The following AFAP1L1 variants were observed in gnomAD, a reference collection of about 807,000 sequenced individuals.
The protein encoded by AFAP1L1 is actin filament-associated protein 1-like 1.
A neutral mutation model predicts 99.8 loss-of-function variants in AFAP1L1; 77 were observed. That is an observed-to-expected ratio of 0.77 (90% CI 0.64 to 0.93). The LOEUF (loss-of-function observed/expected upper bound fraction) is 0.93. Ranked by LOEUF, AFAP1L1 falls within the 40% of genes least tolerant of loss-of-function variation. The probability of loss-of-function intolerance (pLI) is 0.00; values close to 1 mark genes in which losing one functional copy is unlikely to be tolerated. For synonymous variants in AFAP1L1, 373 were observed against 395.3 expected, an observed-to-expected ratio of 0.94 and a Z score of 0.67; for missense variants, 893 against 996.8, an observed-to-expected ratio of 0.90 and a Z score of 1.40.
At chr5:149,292,641 T>C (rs967298100) in intron 1 of AFAP1L1, among the ~76,000 whole-genome samples, 5 of 152,238 alleles carry the variant, frequency 3.3e-5, no homozygotes, top group African/African-American at 1.2e-4. Flanking sequence ...TGAAAACTTA[T>C]AAACGATGAT....
intron 7 of AFAP1L1, among the ~76,000 whole-genome samples, chr5:149,308,430 A>C (rs535347057): frequency 6.6e-6 from 1 of 152,322 alleles, no homozygotes; most frequent in South Asian, 2.1e-4. Context: ...CGAATCCCCT[A>C]CAAAACTCAA....
At chr5:149,323,238 G>A (rs1757004786) in intron 15 of AFAP1L1, among the ~76,000 whole-genome samples, 1 of 152,202 alleles carries the variant, frequency 6.6e-6, no homozygotes, top group Non-Finnish European at 1.5e-5. Flanking sequence ...GGTAGTAAGT[G>A]GAGAACTGAA....
chr5:149,319,281 A>G (rs532266569), intron 12 of AFAP1L1, among the ~76,000 whole-genome samples: 1 of 152,292 alleles, frequency 6.6e-6, no homozygotes, highest in African/African-American at 2.4e-5. Context: ...TGTTGGTTTT[A>G]TATTCTAATG....
chr5:149,279,939 G>A (rs1755462811), intron 1 of AFAP1L1, among the ~76,000 whole-genome samples: 1 of 152,154 alleles, frequency 6.6e-6, no homozygotes, highest in Non-Finnish European at 1.5e-5. Context: ...GTTCACTGTG[G>A]GCTTGAATTA....
chr5:149,292,135 A>C (rs1050818720), intron 1 of AFAP1L1, among the ~76,000 whole-genome samples: 8 of 152,264 alleles, frequency 5.3e-5, no homozygotes, highest in African/African-American at 1.9e-4. Context: ...CACAGGAATG[A>C]GATCATGAGT....
intron 9 of AFAP1L1, among the ~76,000 whole-genome samples, chr5:149,313,933 C>T (rs1161530841): frequency 1.3e-5 from 2 of 152,140 alleles, no homozygotes; most frequent in African/African-American, 4.8e-5. Context: ...TGAAAACGGC[C>T]AGTATGGCTA....
At chr5:149,313,580 A>C (rs1436716219) in intron 9 of AFAP1L1, among the ~76,000 whole-genome samples, 4 of 151,470 alleles carry the variant, frequency 2.6e-5, no homozygotes, top group African/African-American at 9.8e-5. Context: ...CAGGATCCTG[A>C]GCACCTGCTT....
chr5:149,273,478 A>C (rs537736290), intron 1 of AFAP1L1, among the ~76,000 whole-genome samples: 1 of 152,012 alleles, frequency 6.6e-6, no homozygotes, highest in Non-Finnish European at 1.5e-5. Flanking sequence ...CCTGGCTTCC[A>C]GTTCAACCTC....
Position 149,311,986 on chromosome 5 carries a change from A to G in AFAP1L1, c.928-126A>G, listed in dbSNP as rs554961993. 25 of 799,000 alleles carry G rather than the reference A, an allele frequency of 3.1e-5. No individual in the cohort carries two copies. The African/African-American group carries it at 3.6e-4, about 12-fold the overall frequency. 49.5% of individuals were successfully genotyped at this position (799,000 alleles called of 1,614,324 possible). The stretch of plus-strand genomic sequence containing the variant: ...CCACACATATGCAGGTAGCTGTGTC[A>G]GTCCATCTGTTCCCCACAGTGGCCC... On this transcript the variant is annotated intron_variant, in intron 8 of 18. Transcript: ENST00000296721.
chr5:149,297,907 G>A (rs960362417), intron 1 of AFAP1L1, among the ~76,000 whole-genome samples: 2 of 152,232 alleles, frequency 1.3e-5, no homozygotes, highest in African/African-American at 2.4e-5. Context: ...CTGACTTGTG[G>A]TGAGCATTCA....
chr5:149,316,065 T>C (rs1279810148), intron 10 of AFAP1L1, 86 bp from the exon 11 acceptor site: 1 of 1,584,396 alleles, frequency 6.3e-7, no homozygotes, highest in East Asian at 2.2e-5. Context: ...GCCCATCCTG[T>C]ATGCAGGCTG....
rs1249176366 is a variant in AFAP1L1, at chr5:149,329,622, A to G, written c.1811-44A>G. ...CTGACACCACACAAGTACCTTTGCC[A>G]GAGGTCAGAACTGAGGGCCTTTCCC... is the stretch of plus-strand genomic sequence containing the variant. On this transcript the variant is annotated intron_variant, in intron 15 of 18. Transcript: ENST00000296721. The G allele has an allele frequency of 4.5e-6, 7 of 1,552,404 alleles. No individual in the cohort carries two copies. The African/African-American group carries it at 9.7e-5, about 21-fold the overall frequency.
intron 5 of AFAP1L1, among the ~76,000 whole-genome samples, chr5:149,303,778 A>G (rs1756308368): frequency 6.6e-6 from 1 of 152,232 alleles, no homozygotes; most frequent in African/African-American, 2.4e-5. Context: ...TAATAGAAAT[A>G]TGGGTGAAGG....
At chr5:149,331,250 A>C (rs1757247713) in intron 16 of AFAP1L1, among the ~76,000 whole-genome samples, 1 of 152,200 alleles carries the variant, frequency 6.6e-6, no homozygotes, top group Non-Finnish European at 1.5e-5. Flanking sequence ...CAGCCTGAGC[A>C]ACATAATGAG....
chr5:149,284,837 G>T (rs577466936), intron 1 of AFAP1L1, among the ~76,000 whole-genome samples: 1 of 152,344 alleles, frequency 6.6e-6, no homozygotes, highest in Admixed American at 6.5e-5. Flanking sequence ...GAGGTGGCCA[G>T]TTAGGAGGTA....
At chr5:149,326,798 G>A (rs1048657261) in intron 15 of AFAP1L1, among the ~76,000 whole-genome samples, 2 of 152,118 alleles carry the variant, frequency 1.3e-5, no homozygotes, top group African/African-American at 4.8e-5. Flanking sequence ...AGGAGATTAG[G>A]AAAAGAGTCA....
At chr5:149,314,518 C>A (rs957801641) in intron 9 of AFAP1L1, among the ~76,000 whole-genome samples, 3 of 152,188 alleles carry the variant, frequency 2.0e-5, no homozygotes, top group Admixed American at 1.3e-4. Context: ...CCATCGAGTT[C>A]TTTCCAAAGT....
At chr5:149,309,176 A>C (rs963095945) in intron 7 of AFAP1L1, among the ~76,000 whole-genome samples, 5 of 152,188 alleles carry the variant, frequency 3.3e-5, no homozygotes, top group Non-Finnish European at 5.9e-5. Context: ...TTGTAGATGA[A>C]AATGTTCCTT....
rs149997373 is a variant in AFAP1L1, at chr5:149,301,138, G to A, written c.235G>A (p.Asp79Asn). ...VESLFEEFDC[D>N]LSDLRDMPED... ...AATGGCCTGTCCCTCTGTAGACTGT[G>A]ACCTGAGTGACCTTCGGGACATGCC... Residue 79 changes from aspartate (D) to asparagine (N), a missense_variant, in exon 4 of 19, where the codon GAC (aspartate) becomes AAC (asparagine). Physicochemically the swap from Asp to Asn is conservative, Grantham distance 23 (BLOSUM62 1). Transcript: ENST00000296721. The A allele has an allele frequency of 6.2e-7, 1 of 1,613,804 alleles. No individual in the cohort carries two copies. The highest frequency in any genetic ancestry group is 1.3e-5 in the African/African-American group (1 of 74,926).
Sources: allele counts gnomAD v4.1 joint callset (sites outside exome capture counted in the v4.1 genomes callset), GRCh38; gene constraint gnomAD v4.1.1; transcripts MANE v1.5; gene names NCBI Gene and HGNC (gene_info 2026-07-23, HGNC 2026-07-21).